The following ANO2 variants were observed in gnomAD, a reference collection of about 807,000 sequenced individuals.
ANO2 encodes the protein anoctamin 2.
A neutral mutation model predicts 124.2 loss-of-function variants in ANO2; 101 were observed. That is an observed-to-expected ratio of 0.81 (90% confidence interval 0.69 to 0.96). The LOEUF (loss-of-function observed/expected upper bound fraction) is 0.96, where lower values mean the gene tolerates loss of function less well. Ranked by LOEUF, ANO2 falls within the 40% of genes least tolerant of loss-of-function variation. The probability of loss-of-function intolerance (pLI) is 0.00; values close to 1 mark genes in which losing one functional copy is unlikely to be tolerated. For synonymous variants in ANO2, 486 were observed against 482.5 expected (o/e 1.01, Z -0.09); for missense variants, 1,293 against 1,274.5 (o/e 1.01, Z -0.22).
chr12:5,708,147 T>C (rs990738941), intron 14 of ANO2, among the ~76,000 whole-genome samples: 3 of 152,196 alleles, frequency 2.0e-5, no homozygotes, highest in Non-Finnish European at 4.4e-5. Context: ...TTCTTTTCCC[T>C]TCACCAAACC....
intron 15 of ANO2, among the ~76,000 whole-genome samples, chr12:5,639,630 G>A (rs1946228192): frequency 6.6e-6 from 1 of 152,130 alleles, no homozygotes; most frequent in Admixed American, 6.5e-5. Context: ...TTAAGGGAAG[G>A]GTGTTTCAGG....
intron 15 of ANO2, among the ~76,000 whole-genome samples, chr12:5,640,839 A>C (rs1334017316): frequency 7.2e-5 from 11 of 152,254 alleles, no homozygotes; most frequent in Admixed American, 6.5e-4. Flanking sequence ...ATCTAGAACT[A>C]GAAATACCAT....
At chr12:5,942,972 C>T (rs899560168) in intron 1 of ANO2, among the ~76,000 whole-genome samples, 2 of 152,074 alleles carry the variant, frequency 1.3e-5, no homozygotes, top group African/African-American at 2.4e-5. Context: ...TACTAGATGT[C>T]GGCATGGATG....
intron 16 of ANO2, among the ~76,000 whole-genome samples, chr12:5,615,743 G>C (rs916572400): frequency 2.6e-5 from 4 of 152,128 alleles, no homozygotes; most frequent in African/African-American, 9.7e-5. Context: ...AGGGTACCAT[G>C]ACTTGATTCC....
intron 16 of ANO2, among the ~76,000 whole-genome samples, chr12:5,630,471 G>A (rs548957871): frequency 1.3e-5 from 2 of 152,130 alleles, no homozygotes; most frequent in African/African-American, 4.8e-5. Flanking sequence ...GATACTCTTG[G>A]TGCCTCTTTC....
chr12:5,747,539 G>A (rs948051694), intron 11 of ANO2, among the ~76,000 whole-genome samples: 1 of 152,036 alleles, frequency 6.6e-6, no homozygotes. Flanking sequence ...TGACTTGCCA[G>A]GCCCCATCCT....
chr12:5,721,431 C>T lies in ANO2; in HGVS notation c.1545+11089G>A, dbSNP rs181759124. ...ACTATTTATCTTTTTAAGCTTTCTG[C>T]TCTTGGCTGTCTGCTTTACTCTTAA... On this transcript the variant is annotated intron_variant, in intron 14 of 24. Coordinates refer to ENST00000682330, the MANE Select transcript of ANO2 (RefSeq NM_001364791.2). Among the ~76,000 whole-genome samples the T allele has an allele frequency of 4.3e-3, 655 of 152,106 alleles. 3 individuals carry two copies. The highest frequency in any genetic ancestry group is 0.012 in the African/African-American group (510 of 41,534).
chr12:5,820,778 G>C (rs1269682129), intron 7 of ANO2, among the ~76,000 whole-genome samples: 1 of 152,230 alleles, frequency 6.6e-6, no homozygotes, highest in African/African-American at 2.4e-5. Context: ...ATGGATCTTG[G>C]AGAATAACAG....
intron 7 of ANO2, among the ~76,000 whole-genome samples, chr12:5,808,412 C>T (rs1953272813): frequency 1.3e-5 from 2 of 152,072 alleles, no homozygotes; most frequent in Admixed American, 1.3e-4. Flanking sequence ...TGTGTTCTGT[C>T]TGAGTCGGGA....
chr12:5,594,041 T>C (rs190331418), intron 20 of ANO2, among the ~76,000 whole-genome samples: 191 of 152,244 alleles, frequency 1.3e-3, no homozygotes, highest in Admixed American at 2.3e-3. Flanking sequence ...TAATAAAATA[T>C]GAAATAAAAT....
At chr12:5,855,696 G>T (rs976574865) in intron 3 of ANO2, among the ~76,000 whole-genome samples, 1 of 152,200 alleles carries the variant, frequency 6.6e-6, no homozygotes, top group Admixed American at 6.5e-5. Context: ...CAACTATGCT[G>T]TAAGGCCAGT....
intron 5 of ANO2, among the ~76,000 whole-genome samples, chr12:5,831,681 T>C (rs1301577681): frequency 2.6e-5 from 4 of 152,118 alleles, no homozygotes; most frequent in Admixed American, 6.5e-5. Flanking sequence ...ACAGCAGAGA[T>C]GGATAGGAGA....
chr12:5,845,233 C>G (rs1449530774), intron 4 of ANO2, among the ~76,000 whole-genome samples: 2 of 151,808 alleles, frequency 1.3e-5, no homozygotes, highest in African/African-American at 4.8e-5. Context: ...CCACTGCACT[C>G]CAGCCTGGGC....
In ANO2 at chr12:5,635,067, AT is replaced by A; in HGVS notation, c.1816+84del. On this transcript the variant is annotated intron_variant, in intron 16 of 24. Coordinates refer to ENST00000682330, the MANE Select transcript of ANO2 (RefSeq NM_001364791.2). This position sits in a 1 kb window ranked among gnomAD's most constrained non-coding sequence, Gnocchi z 5.2. ...GTACAAAGCATCCTGTCCCTGTCCC[AT>A]TTTTTTTATTTTATCACCAAAAGCC... 110 of 1,244,278 alleles carry A rather than the reference AT, an allele frequency of 8.8e-5. No homozygotes were observed. Among genetic ancestry groups the A allele is most frequent in the Non-Finnish European group, 1.0e-4 (94 of 927,290 alleles). The allele number at this position is 1,244,278 out of a possible 1,614,324, so 77.1% of individuals were successfully genotyped here. A position where few individuals can be genotyped will look rare whatever the true frequency, so the allele number is the denominator to read the frequency against.
intron 3 of ANO2, among the ~76,000 whole-genome samples, chr12:5,909,042 T>A (rs1238716989): frequency 6.6e-6 from 1 of 152,182 alleles, no homozygotes; most frequent in African/African-American, 2.4e-5. Flanking sequence ...TGGAGACTGG[T>A]GGGAGCTAGG....
intron 3 of ANO2, among the ~76,000 whole-genome samples, chr12:5,877,064 G>A (rs996095161): frequency 2.0e-5 from 3 of 152,118 alleles, no homozygotes; most frequent in Admixed American, 6.5e-5. Context: ...GTTGAGTAGC[G>A]CCCTTACCCT....
At chr12:5,569,024 T>A (rs1407419038) in intron 23 of ANO2, among the ~76,000 whole-genome samples, 1 of 152,268 alleles carries the variant, frequency 6.6e-6, no homozygotes, top group African/African-American at 2.4e-5. Flanking sequence ...ATACACCTTT[T>A]CTGTTAAAAG....
intron 13 of ANO2, among the ~76,000 whole-genome samples, chr12:5,736,143 G>A (rs953916139): frequency 3.3e-5 from 5 of 152,246 alleles, no homozygotes; most frequent in African/African-American, 4.8e-5. Flanking sequence ...TGTCCACAGG[G>A]ACACCCACAG....
At chr12:5,914,093 A>G (rs904676776) in intron 3 of ANO2, among the ~76,000 whole-genome samples, 7 of 152,208 alleles carry the variant, frequency 4.6e-5, no homozygotes, top group South Asian at 4.2e-4. Context: ...CCAGCTACTC[A>G]GGAGGCTGAG....
Sources: gnomAD v4.1 joint callset for allele counts (sites outside exome capture counted in the v4.1 genomes callset) on GRCh38, gnomAD v4.1.1 for gene constraint, Gnocchi (gnomAD v3.1) non-coding constraint, MANE v1.5 for transcripts, NCBI Gene and HGNC (gene_info 2026-07-23, HGNC 2026-07-21) for gene names.